The following CNTNAP3B variants were observed in gnomAD, a reference collection of about 807,000 sequenced individuals.
CNTNAP3B encodes the protein contactin-associated protein-like 3B.
CNTNAP3B carries 25 observed loss-of-function variants against 108.9 expected under a neutral mutation model. The ratio of observed to expected loss-of-function variants is 0.23; its 90% confidence interval spans 0.17 to 0.32. The LOEUF is 0.32. Ranked by LOEUF, CNTNAP3B falls within the 10% of genes least tolerant of loss-of-function variation. The pLI is 1.00. For missense variants in CNTNAP3B, 252 were observed against 1,210.4 expected (o/e 0.21, Z 11.75); for synonymous variants, 103 against 473.4 (o/e 0.22, Z 10.16).
intron 13 of CNTNAP3B, among the ~76,000 whole-genome samples, chr9:41,952,975 C>A (rs1242934582): frequency 2.0e-5 from 3 of 152,220 alleles, no homozygotes; most frequent in Non-Finnish European, 4.4e-5. Context: ...TGCATATGAA[C>A]GCGCTGAACG....
chr9:41,954,284 T>A (rs1429384549), intron 12 of CNTNAP3B, among the ~76,000 whole-genome samples: 1 of 152,284 alleles, frequency 6.6e-6, no homozygotes, highest in Non-Finnish European at 1.5e-5. Context: ...ACATTTTACC[T>A]TGAGAAATCA....
intron 2 of CNTNAP3B, among the ~76,000 whole-genome samples, chr9:42,079,519 G>GTTTTGT (rs1468755895): frequency 1.6e-5 from 2 of 122,860 alleles, no homozygotes; most frequent in Non-Finnish European, 3.4e-5. Context: ...GTTTTGTTTT[G>GTTTTGT]TTTTGTTTTT....
intron 12 of CNTNAP3B, among the ~76,000 whole-genome samples, chr9:41,954,983 G>T (rs1326809941): frequency 6.6e-6 from 1 of 151,574 alleles, no homozygotes; most frequent in Non-Finnish European, 1.5e-5. Flanking sequence ...ACCACGCCTG[G>T]CCTCATTTTA....
intron 18 of CNTNAP3B, among the ~76,000 whole-genome samples, chr9:41,919,291 T>A (rs1038013075): frequency 2.0e-5 from 3 of 148,738 alleles, no homozygotes; most frequent in African/African-American, 5.2e-5. Context: ...AATTTTTGTA[T>A]TTTTAGTAAA....
chr9:41,953,222 C>T lies in CNTNAP3B; in HGVS notation c.2041G>A (p.Ala681Thr). ...NLAERCEQRL[A>T]LRCGTARRPD... The stretch of plus-strand genomic sequence containing the variant: ...CGCCGCGCTGTCCCGCAGCGCAGAG[C>T]CAGCCGCTGCTCGCAGCGCTCCGCC... Residue 681 changes from alanine (A) to threonine (T), a missense_variant, in exon 13 of 24, where the codon GCT becomes ACT. Ala to Thr is a moderately conservative substitution (Grantham distance 58, BLOSUM62 0). Coordinates refer to ENST00000377561, the MANE Select transcript of CNTNAP3B (RefSeq NM_001201380.3). 1.3e-6 allele frequency: 2 copies of T among 1,530,552 alleles called. No individual in the cohort carries two copies. The highest frequency in any genetic ancestry group is 1.4e-5 in the African/African-American group (1 of 71,510). The allele number at this position is 1,530,552 out of a possible 1,614,324, so 94.8% of individuals were successfully genotyped here. A position where few individuals can be genotyped will look rare whatever the true frequency, so the allele number is the denominator to read the frequency against.
Position 41,968,370 on chromosome 9 carries a change from A to G in CNTNAP3B, c.1649+1704T>C, listed in dbSNP as rs539073131. Among the ~76,000 whole-genome samples, 82 of 140,392 alleles carry G rather than the reference A, an allele frequency of 5.8e-4. 12 individuals are homozygous for G. Among genetic ancestry groups the G allele is most frequent in the African/African-American group, 2.2e-3 (79 of 35,436 alleles). The allele number at this position is 140,392 out of a possible 152,430, so 92.1% of individuals were successfully genotyped here. On this transcript the variant is annotated intron_variant, in intron 10 of 23. Coordinates refer to ENST00000377561, the MANE Select transcript of CNTNAP3B (RefSeq NM_001201380.3). Reference sequence around the variant, plus strand: ...AACTTGGGATTATATTAAGTGAGCAAATGGCCAGAAACCTTCCCAACTACC... The same window carrying G: ...AACTTGGGATTATATTAAGTGAGCAGATGGCCAGAAACCTTCCCAACTACC...
In CNTNAP3B at chr9:41,964,609, C is replaced by T. The variant is rs1240018114; in HGVS notation, c.1685G>A (p.Cys562Tyr). The T allele has an allele frequency of 6.5e-7, 1 of 1,541,646 alleles. No homozygotes were observed. The highest frequency in any genetic ancestry group is 8.7e-7 in the Non-Finnish European group (1 of 1,143,596). ...LPSYCEHGGE[C>Y]SQSWDTFSCD... ...GGAGAAGGTGTCCCACGACTGGGAA[C>T]ACTCGCCCCCATGCTCACAGTAGCT... The change falls in exon 11 of 24, where the codon TGT becomes TAT. Residue 562 changes from cysteine to tyrosine, a missense_variant. Coordinates refer to ENST00000377561, the MANE Select transcript of CNTNAP3B (RefSeq NM_001201380.3).
At chr9:41,930,499 C>A (rs1302026272) in intron 14 of CNTNAP3B, among the ~76,000 whole-genome samples, 4 of 152,102 alleles carry the variant, frequency 2.6e-5, no homozygotes, top group Admixed American at 6.5e-5. Flanking sequence ...GCCATGTGTG[C>A]AACACTGCAC....
At chr9:41,926,011 G>A (rs916725695) in intron 15 of CNTNAP3B, among the ~76,000 whole-genome samples, 4 of 152,372 alleles carry the variant, frequency 2.6e-5, no homozygotes, top group South Asian at 2.1e-4. Context: ...ATGTGTATTT[G>A]TATCTCTCTC....
At chr9:42,112,395 G>T (rs561132555) in intron 1 of CNTNAP3B, among the ~76,000 whole-genome samples, 1 of 139,224 alleles carries the variant, frequency 7.2e-6, no homozygotes, top group African/African-American at 2.9e-5. Flanking sequence ...AGCCATGTGC[G>T]GCGGCAGATG....
chr9:42,117,696 A>G (rs1352833061), intron 1 of CNTNAP3B, among the ~76,000 whole-genome samples: 1 of 136,076 alleles, frequency 7.3e-6, no homozygotes, highest in Non-Finnish European at 1.6e-5. Flanking sequence ...TGAAGGAAAT[A>G]GAGACACAAA....
intron 3 of CNTNAP3B, among the ~76,000 whole-genome samples, chr9:42,064,142 C>G (rs925534095): frequency 3.4e-5 from 5 of 145,376 alleles, no homozygotes; most frequent in African/African-American, 1.3e-4. Flanking sequence ...TTCTCAGCTC[C>G]AGAATTTGTT....
intron 16 of CNTNAP3B, among the ~76,000 whole-genome samples, chr9:41,923,516 C>G (rs915725836): frequency 6.6e-6 from 1 of 152,248 alleles, no homozygotes; most frequent in Non-Finnish European, 1.5e-5. Flanking sequence ...AATCCCAGCA[C>G]TTTGGGAACC....
intron 1 of CNTNAP3B, among the ~76,000 whole-genome samples, chr9:42,122,227 C>G (rs1365058917): frequency 1.4e-5 from 2 of 139,682 alleles, no homozygotes; most frequent in South Asian, 2.3e-4. Context: ...TGGTTATTCA[C>G]AGTATCTCAA....
chr9:41,957,548 C>G (rs1407590571), intron 12 of CNTNAP3B, among the ~76,000 whole-genome samples: 1 of 142,654 alleles, frequency 7.0e-6, no homozygotes, highest in Non-Finnish European at 1.5e-5. Context: ...CAAAGGCATT[C>G]TTCATTTCTG....
chr9:42,030,921 C>A lies in CNTNAP3B; in HGVS notation c.391-17396G>T, dbSNP rs1300722397. On this transcript the variant is annotated intron_variant, in intron 3 of 23. Transcript: ENST00000377561. ...ATAGGGTTCTCAGCCTCTTTCAAGG[C>A]CCAAGGATCTCTCAGAAGACACTTC... 1.8e-5 allele frequency among the ~76,000 whole-genome samples: 2 copies of A among 112,560 alleles called. 1 individual carries two copies. The highest frequency in any genetic ancestry group is 3.6e-5 in the Non-Finnish European group (2 of 54,844). The allele number at this position is 112,560 out of a possible 152,430, so 73.8% of individuals were successfully genotyped here. A position where few individuals can be genotyped will look rare whatever the true frequency, so the allele number is the denominator to read the frequency against.
At chr9:41,962,968 C>A (rs1467326834) in intron 11 of CNTNAP3B, among the ~76,000 whole-genome samples, 5 of 149,600 alleles carry the variant, frequency 3.3e-5, no homozygotes, top group Non-Finnish European at 5.9e-5. Flanking sequence ...AAACAAAAAA[C>A]AAACAAACAA....
Position 41,972,936 on chromosome 9 carries a change from CTT to C in CNTNAP3B, c.1478-2693_1478-2692del, listed in dbSNP as rs1212724871. On this transcript the variant is annotated intron_variant, in intron 9 of 23. Transcript: ENST00000377561. ...TTTCCTGACACATAACTTAGGTTATCTTTTTTTTTTTTTTTTTTGAGACCTGA... is the reference window on the plus strand; with the variant it reads ...TTTCCTGACACATAACTTAGGTTATCTTTTTTTTTTTTTTTTGAGACCTGA... 4.2e-3 allele frequency among the ~76,000 whole-genome samples: 202 copies of C among 47,762 alleles called. 1 individual carries two copies. Among genetic ancestry groups the C allele is most frequent in the East Asian group, 0.013 (7 of 540 alleles). 31.3% of individuals were successfully genotyped at this position (47,762 alleles called of 152,430 possible). A position where few individuals can be genotyped will look rare whatever the true frequency, so the allele number is the denominator to read the frequency against.
chr9:41,990,989 A>G (rs1825795422), intron 8 of CNTNAP3B, among the ~76,000 whole-genome samples: 1 of 134,276 alleles, frequency 7.4e-6, no homozygotes, highest in Admixed American at 7.5e-5. Flanking sequence ...TGCAAAGGAG[A>G]TCTGAGGTTT....
Sources: gnomAD v4.1 joint callset for allele counts (sites outside exome capture counted in the v4.1 genomes callset) on GRCh38, gnomAD v4.1.1 for gene constraint, MANE v1.5 for transcripts, NCBI Gene and HGNC (gene_info 2026-07-23, HGNC 2026-07-21) for gene names.